Variants in RBM19 observed in about 807,000 individuals in gnomAD.
RBM19 encodes RNA binding motif protein 19.
In RBM19, 94 loss-of-function variants were observed where a neutral mutation model predicts 116.8. The ratio of observed to expected loss-of-function variants is 0.80; its 90% CI spans 0.68 to 0.95. The LOEUF is 0.95. Among genes scored for constraint, RBM19 ranks in the 40% least tolerant of loss-of-function variants. The pLI is 0.00. For synonymous variants in RBM19, 475 were observed against 494.1 expected (o/e 0.96, Z 0.51); for missense variants, 1,161 against 1,220.7 (o/e 0.95, Z 0.73).
At chr12:113,925,852 G>A (rs939364987) in intron 17 of RBM19, among the ~76,000 whole-genome samples, 1 of 151,844 alleles carries the variant, frequency 6.6e-6, no homozygotes. Context: ...ACCCGCACCA[G>A]AAAAAAAATA....
chr12:113,845,808 G>A (rs537850028), intron 22 of RBM19, among the ~76,000 whole-genome samples: 99 of 152,344 alleles, frequency 6.5e-4, no homozygotes, highest in African/African-American at 2.3e-3. Flanking sequence ...CAGAGAGGCC[G>A]TGAGCTTAGT....
chr12:113,832,611 C>T (rs1381010263), intron 23 of RBM19, among the ~76,000 whole-genome samples: 3 of 152,164 alleles, frequency 2.0e-5, no homozygotes, highest in African/African-American at 4.8e-5. Context: ...CCTCTTTGCC[C>T]GCCTCCTGCT....
At chr12:113,909,908 C>A (rs954038568) in intron 21 of RBM19, among the ~76,000 whole-genome samples, 2 of 152,174 alleles carry the variant, frequency 1.3e-5, no homozygotes, top group African/African-American at 4.8e-5. Context: ...TCTTTTATCA[C>A]CCAGCTGTCA....
At chr12:113,895,150 G>A (rs564163769) in intron 21 of RBM19, among the ~76,000 whole-genome samples, 36 of 152,296 alleles carry the variant, frequency 2.4e-4, no homozygotes, top group African/African-American at 8.4e-4. Flanking sequence ...ACACTCCATC[G>A]AGTTCCCATG....
intron 12 of RBM19, among the ~76,000 whole-genome samples, 176 bp from the exon 13 acceptor site, chr12:113,946,100 G>C (rs567757881): frequency 1.1e-3 from 161 of 152,256 alleles, no homozygotes; most frequent in African/African-American, 3.7e-3. Context: ...ATGATGACAG[G>C]AACCATCCCT....
chr12:113,845,026 C>T (rs1454805772), intron 22 of RBM19, among the ~76,000 whole-genome samples: 1 of 152,160 alleles, frequency 6.6e-6, no homozygotes, highest in Non-Finnish European at 1.5e-5. Flanking sequence ...GCCGTCTGGG[C>T]TGTAATTGGT....
At position 113,837,980 on chromosome 12, in the gene RBM19, G is replaced by C. The variant is rs191412133; in HGVS notation, c.2785+6688C>G. Among the ~76,000 whole-genome samples the C allele has an allele frequency of 8.5e-5, 13 of 152,264 alleles. No individual in the cohort carries two copies. In the East Asian group the frequency reaches 2.5e-3, roughly 29 times the overall value. ...GTAACAAAAACATCACCAAACTTCT[G>C]AATAAAGACACCAAAACGTCTAAAT... On this transcript the variant is annotated intron_variant, in intron 23 of 23. Coordinates refer to ENST00000261741, the MANE Select transcript of RBM19 (RefSeq NM_016196.4).
At chr12:113,922,112 C>T (rs192271641) in intron 18 of RBM19, among the ~76,000 whole-genome samples, 238 of 152,298 alleles carry the variant, frequency 1.6e-3, no homozygotes, top group African/African-American at 5.2e-3. Flanking sequence ...CAGGTTATCT[C>T]GTGGCTCCAA....
chr12:113,952,603 GT>G lies in RBM19; in HGVS notation c.922-14del, dbSNP rs1871568554. On this transcript the variant is annotated splice_polypyrimidine_tract_variant and intron_variant, in intron 7 of 23. Transcript: ENST00000261741. ...CCATAACATTTTTCTGTGAGAAGAA[GT>G]TTTTTTCCCCTTACCAACCACATAA... The G allele has an allele frequency of 5.6e-6, 9 of 1,610,494 alleles. No homozygotes were observed. The highest frequency in any genetic ancestry group is 4.5e-5 in the East Asian group (2 of 44,854).
intron 21 of RBM19, among the ~76,000 whole-genome samples, chr12:113,860,926 C>CTGGAAGG (rs1366435881): frequency 6.6e-6 from 1 of 152,180 alleles, no homozygotes; most frequent in African/African-American, 2.4e-5. Context: ...AATGGTAGCC[C>CTGGAAGG]TGGAAGGTAG....
At chr12:113,860,578 A>G (rs1261906834) in intron 21 of RBM19, among the ~76,000 whole-genome samples, 1 of 152,208 alleles carries the variant, frequency 6.6e-6, no homozygotes, top group East Asian at 1.9e-4. Context: ...GGCACATGGA[A>G]GACCAGGCTG....
intron 23 of RBM19, among the ~76,000 whole-genome samples, chr12:113,833,797 G>T (rs187345261): frequency 6.6e-6 from 1 of 152,360 alleles, no homozygotes; most frequent in Admixed American, 6.5e-5. Context: ...AGGCTGGAGT[G>T]CAGTGGCGTA....
chr12:113,870,688 G>A (rs1227917175), intron 21 of RBM19, among the ~76,000 whole-genome samples: 1 of 152,150 alleles, frequency 6.6e-6, no homozygotes, highest in Non-Finnish European at 1.5e-5. Flanking sequence ...GAGGGGCACA[G>A]GTGGGTAGGT....
chr12:113,947,253 C>CAT, intron 11 of RBM19, 81 bp downstream of exon 11: 6 of 1,467,954 alleles, frequency 4.1e-6, no homozygotes, highest in Non-Finnish European at 5.5e-6. Flanking sequence ...CGTGTCCACA[C>CAT]ACATACACAC....
chr12:113,835,680 T>C (rs781282438), intron 23 of RBM19, among the ~76,000 whole-genome samples: 4 of 152,220 alleles, frequency 2.6e-5, no homozygotes, highest in Non-Finnish European at 5.9e-5. Flanking sequence ...AGAGCACTTC[T>C]CCGGGCACTC....
intron 1 of RBM19, among the ~76,000 whole-genome samples, chr12:113,963,318 T>G (rs1250020696): frequency 6.6e-6 from 1 of 152,216 alleles, no homozygotes; most frequent in Non-Finnish European, 1.5e-5. Flanking sequence ...CTTCTCACCA[T>G]CTTCACTGCA....
intron 22 of RBM19, among the ~76,000 whole-genome samples, chr12:113,848,576 C>G (rs1877180430): frequency 6.6e-6 from 1 of 152,106 alleles, no homozygotes; most frequent in Non-Finnish European, 1.5e-5. Flanking sequence ...AAGATGCAGG[C>G]CCGGGTCTCA....
intron 14 of RBM19, among the ~76,000 whole-genome samples, chr12:113,940,434 C>T (rs530069448): frequency 2.0e-5 from 3 of 152,206 alleles, no homozygotes; most frequent in Non-Finnish European, 2.9e-5. Flanking sequence ...TGAGCAGGGC[C>T]GCACTTTCCA....
chr12:113,916,541 A>C (rs1252915140), intron 20 of RBM19, among the ~76,000 whole-genome samples: 2 of 152,160 alleles, frequency 1.3e-5, no homozygotes, highest in Non-Finnish European at 2.9e-5. Flanking sequence ...GTATCAGGGC[A>C]GGTCTGGGTG....
Sources: allele counts gnomAD v4.1 joint callset (sites outside exome capture counted in the v4.1 genomes callset), GRCh38; gene constraint gnomAD v4.1.1; transcripts MANE v1.5; gene names NCBI Gene and HGNC (gene_info 2026-07-23, HGNC 2026-07-21).